PTPRN2: variants seen among roughly 807,000 people sequenced by gnomAD.
The protein encoded by PTPRN2 is protein tyrosine phosphatase receptor type N2.
Under a neutral mutation model 118.8 loss-of-function variants are expected in PTPRN2, and 74 were observed. That is an observed-to-expected ratio of 0.62 (90% CI 0.52 to 0.76). The LOEUF is 0.76. Among genes scored for constraint, PTPRN2 ranks in the 30% least tolerant of loss-of-function variants. PTPRN2 has a pLI of 0.00. For missense variants in PTPRN2, 1,481 were observed against 1,394.4 expected, an observed-to-expected ratio of 1.06 and a Z score of -0.99; for synonymous variants, 641 against 608.0, an observed-to-expected ratio of 1.05 and a Z score of -0.80.
intron 17 of PTPRN2, among the ~76,000 whole-genome samples, chr7:157,580,168 T>C (rs1234057089): frequency 6.6e-6 from 1 of 152,192 alleles, no homozygotes; most frequent in East Asian, 1.9e-4. Flanking sequence ...CACCTGTGAA[T>C]GTGACCTCAT....
rs548635523 is a variant in PTPRN2, at chr7:158,370,238, G to C, written c.164-53306C>G. ...CGATCACCTGAGGTCAGGAGTTTGAGAGCAGCCTGGCCGACACGGCAAAAC... is the reference window on the plus strand; with the variant it reads ...CGATCACCTGAGGTCAGGAGTTTGACAGCAGCCTGGCCGACACGGCAAAAC... On this transcript the variant is annotated intron_variant, in intron 2 of 22. Coordinates refer to ENST00000389418, the MANE Select transcript of PTPRN2 (RefSeq NM_002847.5). Among the ~76,000 whole-genome samples, 6 of 152,002 alleles carry C rather than the reference G, an allele frequency of 3.9e-5. No individual in the cohort carries two copies. In the East Asian group the frequency reaches 1.2e-3, roughly 29 times the overall value.
intron 3 of PTPRN2, among the ~76,000 whole-genome samples, chr7:158,298,251 C>T (rs1800635577): frequency 6.6e-6 from 1 of 151,768 alleles, no homozygotes; most frequent in Non-Finnish European, 1.5e-5. Context: ...TTATTTTCTT[C>T]TTTTTAATGT....
intron 12 of PTPRN2, among the ~76,000 whole-genome samples, chr7:157,758,792 A>G (rs2151002467): frequency 1.3e-5 from 2 of 152,254 alleles, no homozygotes; most frequent in South Asian, 4.2e-4. Flanking sequence ...GCACAGCAGA[A>G]GGCCCTGCTC....
At chr7:157,771,288 G>C (rs1488448211) in intron 12 of PTPRN2, among the ~76,000 whole-genome samples, 1 of 152,214 alleles carries the variant, frequency 6.6e-6, no homozygotes, top group African/African-American at 2.4e-5. Flanking sequence ...TGTCATGCCT[G>C]ACCAGATTAT....
At chr7:158,123,752 C>G (rs1817375082) in intron 9 of PTPRN2, among the ~76,000 whole-genome samples, 1 of 152,242 alleles carries the variant, frequency 6.6e-6, no homozygotes, top group Non-Finnish European at 1.5e-5. Context: ...AACTAAAGAT[C>G]TAGGTACGGA....
At chr7:158,274,411 CAG>C (rs1276816461) in intron 3 of PTPRN2, among the ~76,000 whole-genome samples, 2 of 125,066 alleles carry the variant, frequency 1.6e-5, no homozygotes, top group African/African-American at 3.0e-5. Flanking sequence ...GCCACAGGCA[CAG>C]GGGGAGCCGC....
At chr7:158,542,321 T>G (rs1006300231) in intron 1 of PTPRN2, among the ~76,000 whole-genome samples, 2 of 152,184 alleles carry the variant, frequency 1.3e-5, no homozygotes, top group Non-Finnish European at 2.9e-5. Flanking sequence ...CAGCTAATTT[T>G]TTTGTATTTT....
intron 12 of PTPRN2, among the ~76,000 whole-genome samples, chr7:157,834,859 G>C (rs1807826860): frequency 6.6e-6 from 1 of 152,216 alleles, no homozygotes; most frequent in Non-Finnish European, 1.5e-5. Flanking sequence ...ACCGGACCCA[G>C]CTTTCAATGC....
rs369158721 is a variant in PTPRN2 at position 158,263,084 on chromosome 7, C to T, written c.277+53735G>A. On this transcript the variant is annotated intron_variant, in intron 3 of 22. Coordinates refer to ENST00000389418, the MANE Select transcript of PTPRN2 (RefSeq NM_002847.5). ...CATTGCACACACACATCACACACAC[C>T]ACACACATTCACACACTGCACACAC... Among the ~76,000 whole-genome samples, 260 of 138,422 alleles carry T rather than the reference C, an allele frequency of 1.9e-3. 1 individual carries two copies. The highest frequency in any genetic ancestry group is 7.5e-3 in the African/African-American group (247 of 32,888). The allele number at this position is 138,422 out of a possible 152,430, so 90.8% of individuals were successfully genotyped here.
chr7:157,966,527 A>G (rs1801943788), intron 11 of PTPRN2, among the ~76,000 whole-genome samples: 1 of 151,820 alleles, frequency 6.6e-6, no homozygotes, highest in East Asian at 1.9e-4. Context: ...CATCACCACC[A>G]TCATCTTCAT....
intron 12 of PTPRN2, chr7:157,865,809 G>A (rs1422885516): frequency 6.6e-6 from 1 of 152,240 alleles, no homozygotes; most frequent in African/African-American, 2.4e-5. Context: ...ACTTGTGCCA[G>A]CCTGGCCACA....
intron 12 of PTPRN2, chr7:157,866,001 C>G (rs1357527596): frequency 2.0e-5 from 3 of 152,394 alleles, no homozygotes; most frequent in Non-Finnish European, 2.9e-5. Context: ...CCCGCTGCCG[C>G]GCAACCTCTG....
At chr7:158,316,998 C>T in intron 2 of PTPRN2, 66 bp from the exon 3 acceptor site, 1 of 1,244,764 alleles carries the variant, frequency 8.0e-7, no homozygotes. Context: ...GAAGGTGTCA[C>T]ACACGTCCTT....
rs930181270 is a variant in PTPRN2, at chr7:157,990,221, C to T, written c.1723+91077G>A. 3.3e-5 allele frequency among the ~76,000 whole-genome samples: 5 copies of T among 151,946 alleles called. No individual in the cohort carries two copies. On this transcript the variant is annotated intron_variant, in intron 11 of 22. Coordinates refer to ENST00000389418, the MANE Select transcript of PTPRN2 (RefSeq NM_002847.5). The surrounding 1 kb of genome is among the most constrained non-coding windows in gnomAD (Gnocchi z 4.3). ...GCCCAGATAAATAATTCATGAGCGC[C>T]ACCGGGGAAGACCGGGCACTCGTGG... is the stretch of plus-strand genomic sequence containing the variant.
chr7:157,574,327 C>G (rs1393473448), intron 19 of PTPRN2: 1 of 522,790 alleles, frequency 1.9e-6, no homozygotes, highest in Admixed American at 1.9e-5. Flanking sequence ...ATCGCCCCTG[C>G]AGTACAGTCA....
chr7:157,907,074 C>A (rs1797813450), intron 11 of PTPRN2, among the ~76,000 whole-genome samples: 1 of 152,226 alleles, frequency 6.6e-6, no homozygotes, highest in Non-Finnish European at 1.5e-5. Context: ...GTGTTTTATG[C>A]TCAGATCTGT....
At chr7:157,652,171 G>T (rs574842228) in intron 14 of PTPRN2, among the ~76,000 whole-genome samples, 3 of 152,352 alleles carry the variant, frequency 2.0e-5, no homozygotes, top group Non-Finnish European at 4.4e-5. Context: ...CAGAGACAGG[G>T]ATCAGGCAGA....
rs1158987472 is a variant in PTPRN2 at position 157,944,557 on chromosome 7, T to C, written c.1724-45820A>G. On this transcript the variant is annotated intron_variant, in intron 11 of 22. Coordinates refer to ENST00000389418, the MANE Select transcript of PTPRN2 (RefSeq NM_002847.5). The surrounding 1 kb of genome is among the most constrained non-coding windows in gnomAD (Gnocchi z 4.3). ...GCACTGCTGCAAATATAATAATTGT[T>C]TGAAAGCATAACATTTAAATCAGAA... Among the ~76,000 whole-genome samples the C allele has an allele frequency of 6.6e-6, 1 of 152,230 alleles. No individual in the cohort carries two copies. The highest frequency in any genetic ancestry group is 2.4e-5 in the African/African-American group (1 of 41,460).
At position 157,626,725 on chromosome 7, in the gene PTPRN2, T is replaced by A. The variant is rs560719701; in HGVS notation, c.2197-5216A>T. ...GCAGCAAGCACTCAGCCAATATCTG[T>A]GGAATAATAATGCATAATCTGGAAA... is the stretch of plus-strand genomic sequence containing the variant. On this transcript the variant is annotated intron_variant, in intron 14 of 22. Coordinates refer to ENST00000389418, the MANE Select transcript of PTPRN2 (RefSeq NM_002847.5). 1.5e-4 allele frequency among the ~76,000 whole-genome samples: 23 copies of A among 152,318 alleles called. No individual in the cohort carries two copies. The South Asian group carries it at 4.6e-3, about 30-fold the overall frequency.
Sources: allele counts gnomAD v4.1 joint callset (sites outside exome capture counted in the v4.1 genomes callset), GRCh38; gene constraint gnomAD v4.1.1; non-coding constraint Gnocchi (gnomAD v3.1); transcripts MANE v1.5; gene names NCBI Gene and HGNC (gene_info 2026-07-23, HGNC 2026-07-21).